NKIRAS1: variants seen among roughly 807,000 people sequenced by gnomAD.
NKIRAS1 encodes NF-kappa-B inhibitor-interacting Ras-like protein 1.
Under a neutral mutation model 19.8 loss-of-function variants are expected in NKIRAS1, and 16 were observed. The ratio of observed to expected loss-of-function variants is 0.81; its 90% confidence interval spans 0.55 to 1.23. The LOEUF is 1.23. Ranked by LOEUF, NKIRAS1 falls within the 50% of genes most tolerant of loss-of-function variation. The probability of loss-of-function intolerance (pLI) is 0.00; values close to 1 mark genes in which losing one functional copy is unlikely to be tolerated. For missense variants in NKIRAS1, 184 were observed against 220.0 expected, an observed-to-expected ratio of 0.84 and a Z score of 1.04; for synonymous variants, 88 against 79.0, an observed-to-expected ratio of 1.11 and a Z score of -0.61.
upstream of NKIRAS1, chr3:23,921,525 ATT>A (rs1705079254): frequency 1.5e-6 from 1 of 660,244 alleles, no homozygotes; most frequent in Non-Finnish European, 2.7e-6. Flanking sequence ...TTGCTTTACT[ATT>A]TCTATATTGG....
upstream of NKIRAS1, chr3:23,919,926 T>C (rs1373177771): frequency 3.0e-6 from 3 of 989,870 alleles, no homozygotes; most frequent in Non-Finnish European, 3.6e-6. Flanking sequence ...ACTTTTTAAG[T>C]TGGGCTTTAG....
At chr3:23,940,827 T>A (rs1013577892) in intron 1 of NKIRAS1, among the ~76,000 whole-genome samples, 1 of 152,210 alleles carries the variant, frequency 6.6e-6, no homozygotes, top group Non-Finnish European at 1.5e-5. Flanking sequence ...AAAAATAGCC[T>A]GGAAGAAGGT....
At chr3:23,894,952 T>C (rs1322449915) in intron 4 of NKIRAS1, among the ~76,000 whole-genome samples, 2 of 152,252 alleles carry the variant, frequency 1.3e-5, no homozygotes, top group African/African-American at 4.8e-5. Context: ...CTGCTTCCAG[T>C]AACCTGGTCT....
rs761667273 is a variant in NKIRAS1, at chr3:23,890,953, C to T, written c.*2142G>A. 7.2e-5 allele frequency: 12 copies of T among 166,238 alleles called. No homozygotes were observed. The highest frequency in any genetic ancestry group is 1.3e-5 in the Non-Finnish European group (1 of 77,438). 10.3% of individuals were successfully genotyped at this position (166,238 alleles called of 1,614,324 possible). A position where few individuals can be genotyped will look rare whatever the true frequency, so the allele number is the denominator to read the frequency against. On this transcript the variant is annotated 3_prime_UTR_variant, in exon 5 of 5. Transcript: ENST00000425478. ...CACATATGGCCATTTATGTAAAGTC[C>T]CTCTAAGACTACATACTTTTTGTTT...
chr3:23,910,669 T>C (rs1469125011), intron 3 of NKIRAS1, 142 bp downstream of exon 3: 2 of 634,294 alleles, frequency 3.2e-6, no homozygotes, highest in Non-Finnish European at 5.6e-6. Context: ...CCTCCTCTTT[T>C]CTTACCTCTT....
intron 1 of NKIRAS1, among the ~76,000 whole-genome samples, chr3:23,929,522 G>GCTCAAGCGATCCTCCCAC (rs1355775495): frequency 4.6e-5 from 7 of 152,126 alleles, no homozygotes; most frequent in Non-Finnish European, 8.8e-5. Flanking sequence ...TGCGTCTCCG[G>GCTCAAGCGATCCTCCCAC]CTCAAGCGAT....
At chr3:23,934,342 C>T (rs925562667) in intron 1 of NKIRAS1, among the ~76,000 whole-genome samples, 7 of 152,192 alleles carry the variant, frequency 4.6e-5, no homozygotes, top group Non-Finnish European at 8.8e-5. Context: ...TCCTTATGCT[C>T]TGCCATGGGT....
chr3:23,893,073 C>T lies in NKIRAS1; in HGVS notation c.*22G>A. On this transcript the variant is annotated 3_prime_UTR_variant, in exon 5 of 5. Transcript: ENST00000425478. ...TTAAAGGCAATCACTATTCAACATA[C>T]AATTGTGGAAATTACTGATTTTTAG... The T allele has an allele frequency of 6.5e-7, 1 of 1,534,944 alleles. No homozygotes were observed. Among genetic ancestry groups the T allele is most frequent in the South Asian group, 1.3e-5 (1 of 75,768 alleles).
In NKIRAS1 at chr3:23,893,057, A is replaced by G. The variant is rs200435563; in HGVS notation, c.*38T>C. ...CCATGTTCACAGACACTTAAAGGCA[A>G]TCACTATTCAACATACAATTGTGGA... is the stretch of plus-strand genomic sequence containing the variant. On this transcript the variant is annotated 3_prime_UTR_variant, in exon 5 of 5. Coordinates refer to ENST00000425478, the MANE Select transcript of NKIRAS1 (RefSeq NM_020345.4). The G allele has an allele frequency of 4.0e-6, 6 of 1,512,070 alleles. No homozygotes were observed. Among genetic ancestry groups the G allele is most frequent in the East Asian group, 4.6e-5 (2 of 43,612 alleles). The allele number at this position is 1,512,070 out of a possible 1,614,324, so 93.7% of individuals were successfully genotyped here.
chr3:23,906,318 C>G (rs1377072213), intron 3 of NKIRAS1, among the ~76,000 whole-genome samples: 1 of 152,090 alleles, frequency 6.6e-6, no homozygotes, highest in African/African-American at 2.4e-5. Flanking sequence ...TGAGAAACAT[C>G]TGGACTATGT....
rs1705137698 is a variant in NKIRAS1 at position 23,922,970 on chromosome 3, A to C, written c.-139-11520T>G. ...AGGTGCACACCACCATGCCAGGCTA[A>C]TTTTTGTATTTTTTGTAGAGACAGG... On this transcript the variant is annotated intron_variant, in intron 1 of 4. Transcript: ENST00000421515. The surrounding 1 kb of genome is among the most constrained non-coding windows in gnomAD (Gnocchi z 4.2). 1 of 151,240 alleles carries C rather than the reference A, an allele frequency of 6.6e-6. No individual in the cohort carries two copies. Among genetic ancestry groups the C allele is most frequent in the Non-Finnish European group, 1.5e-5 (1 of 68,024 alleles). The allele number at this position is 151,240 out of a possible 1,614,324, so 9.4% of individuals were successfully genotyped here. A position where few individuals can be genotyped will look rare whatever the true frequency, so the allele number is the denominator to read the frequency against.
At chr3:23,946,137 G>C (rs1212392813) in intron 1 of NKIRAS1, 2 of 985,056 alleles carry the variant, frequency 2.0e-6, no homozygotes, top group Admixed American at 6.1e-5. Context: ...TCCCCCGCGG[G>C]GTTGCACACT....
chr3:23,933,073 A>G (rs1159789042), intron 1 of NKIRAS1, among the ~76,000 whole-genome samples: 1 of 152,198 alleles, frequency 6.6e-6, no homozygotes, highest in Non-Finnish European at 1.5e-5. Flanking sequence ...AGGCAGAAGA[A>G]CATGAGAGCC....
intron 1 of NKIRAS1, among the ~76,000 whole-genome samples, chr3:23,932,459 C>T (rs897654238): frequency 2.0e-5 from 3 of 152,004 alleles, no homozygotes; most frequent in East Asian, 1.9e-4. Context: ...GAGGCCGAGG[C>T]GGGCGGATCA....
intron 3 of NKIRAS1, among the ~76,000 whole-genome samples, chr3:23,904,996 AT>A (rs928349130): frequency 2.7e-5 from 4 of 148,160 alleles, no homozygotes; most frequent in Non-Finnish European, 6.1e-5. Flanking sequence ...TGAATCTTTT[AT>A]TTTTTTTTCT....
intron 3 of NKIRAS1, among the ~76,000 whole-genome samples, chr3:23,908,932 G>T (rs1703355336): frequency 6.7e-6 from 1 of 150,336 alleles, no homozygotes; most frequent in South Asian, 2.1e-4. Flanking sequence ...GAGCCCAGCT[G>T]ATCTTCCCAC....
chr3:23,912,140 C>G (rs1055472144), intron 1 of NKIRAS1, among the ~76,000 whole-genome samples: 1 of 152,090 alleles, frequency 6.6e-6, no homozygotes, highest in Non-Finnish European at 1.5e-5. Flanking sequence ...ATGCACAGGA[C>G]TTCATGACTA....
At chr3:23,903,115 T>A (rs113358943) in intron 3 of NKIRAS1, among the ~76,000 whole-genome samples, 1 of 152,176 alleles carries the variant, frequency 6.6e-6, no homozygotes, top group Non-Finnish European at 1.5e-5. Flanking sequence ...CTTTTTAAGT[T>A]GTATTTATTT....
rs1249213697 is a variant in NKIRAS1, at chr3:23,926,142, C to T, written c.-139-14692G>A. On this transcript the variant is annotated intron_variant, in intron 1 of 4. Transcript: ENST00000421515. This position sits in a 1 kb window ranked among gnomAD's most constrained non-coding sequence, Gnocchi z 4.3. ...CTTGGCTCACTGTAACCTCTGCCTCCCAGGTTCAAGCAATTCTCCCTGCCT... is the reference window on the plus strand; with the variant it reads ...CTTGGCTCACTGTAACCTCTGCCTCTCAGGTTCAAGCAATTCTCCCTGCCT... Among the ~76,000 whole-genome samples the T allele has an allele frequency of 6.6e-6, 1 of 152,160 alleles. No individual in the cohort carries two copies. Among genetic ancestry groups the T allele is most frequent in the Non-Finnish European group, 1.5e-5 (1 of 68,024 alleles).
Sources: allele counts gnomAD v4.1 joint callset (sites outside exome capture counted in the v4.1 genomes callset), GRCh38; gene constraint gnomAD v4.1.1; non-coding constraint Gnocchi (gnomAD v3.1); transcripts MANE v1.5; gene names NCBI Gene and HGNC (gene_info 2026-07-23, HGNC 2026-07-21).